ANO3: variants seen among roughly 807,000 people sequenced by gnomAD.
The protein encoded by ANO3 is anoctamin-3.
Under a neutral mutation model 144.8 loss-of-function variants are expected in ANO3, and 99 were observed. That is an observed-to-expected ratio of 0.68 (90% CI 0.58 to 0.81). The LOEUF (loss-of-function observed/expected upper bound fraction) is 0.81, where lower values mean the gene tolerates loss of function less well. ANO3 is among the 30% of genes least tolerant of loss of function. The pLI, the probability that ANO3 is intolerant of heterozygous loss-of-function variation, is 0.00. For synonymous variants in ANO3, 414 were observed against 392.6 expected (o/e 1.05, Z -0.64); for missense variants, 905 against 1,202.2 (o/e 0.75, Z 3.66).
In ANO3 at chr11:26,656,445, C is replaced by T. The variant is rs781335850; in HGVS notation, c.2727C>T (p.Ile909=). Residue 909 remains isoleucine, a synonymous_variant, in exon 26 of 27, where the codon ATC becomes ATT. Transcript: ENST00000256737. Reference sequence around the variant, plus strand: ...AGTTTACTTTACAATACTGGCATATCCTTGCTGCTAGATTGGCCTTCATTA... The same window carrying T: ...AGTTTACTTTACAATACTGGCATATTCTTGCTGCTAGATTGGCCTTCATTA... ...PYEFTLQYWH[I]LAARLAFIIV... The T allele has an allele frequency of 9.3e-6, 15 of 1,611,964 alleles. No individual in the cohort carries two copies. The highest frequency in any genetic ancestry group is 1.2e-5 in the Non-Finnish European group (14 of 1,178,284).
intron 1 of ANO3, among the ~76,000 whole-genome samples, chr11:26,290,917 C>G (rs1341842751): frequency 6.6e-6 from 1 of 152,156 alleles, no homozygotes; most frequent in African/African-American, 2.4e-5. Flanking sequence ...CTGTAGATGT[C>G]TATTAGGTCC....
At chr11:26,653,800 A>G (rs10835048) in intron 24 of ANO3, among the ~76,000 whole-genome samples, 52,471 of 151,896 alleles carry the variant, frequency 0.35, 9,926 homozygotes, top group South Asian at 0.48. Flanking sequence ...TAAGGACTCT[A>G]CGTGAAATTT....
chr11:26,328,443 A>G (rs952944348), upstream of ANO3, among the ~76,000 whole-genome samples: 12 of 152,194 alleles, frequency 7.9e-5, no homozygotes, highest in African/African-American at 2.9e-4. Flanking sequence ...TCCAATTTTA[A>G]TTAAGGCAGT....
chr11:26,478,139 C>G (rs1355131), intron 4 of ANO3, among the ~76,000 whole-genome samples: 41,411 of 152,000 alleles, frequency 0.27, 5,829 homozygotes, highest in South Asian at 0.39. Context: ...CAGGGAAACA[C>G]TATATTGAGA....
intron 5 of ANO3, among the ~76,000 whole-genome samples, chr11:26,512,819 C>G (rs1040668599): frequency 5.3e-5 from 8 of 152,124 alleles, no homozygotes; most frequent in African/African-American, 1.4e-4. Flanking sequence ...TAATTTGAAT[C>G]CTGACACAGC....
intron 1 of ANO3, among the ~76,000 whole-genome samples, chr11:26,297,391 A>C (rs976338459): frequency 6.6e-6 from 1 of 152,186 alleles, no homozygotes; most frequent in East Asian, 1.9e-4. Context: ...CCTGTCATAC[A>C]ATGATCAACA....
intron 1 of ANO3, among the ~76,000 whole-genome samples, chr11:26,363,693 G>A (rs1156801): frequency 6.6e-6 from 1 of 152,256 alleles, no homozygotes; most frequent in East Asian, 1.9e-4. Flanking sequence ...TGCTTTATGA[G>A]GATATATTCT....
intron 1 of ANO3, among the ~76,000 whole-genome samples, chr11:26,415,629 T>G (rs1199054205): frequency 6.6e-6 from 1 of 152,062 alleles, no homozygotes; most frequent in Non-Finnish European, 1.5e-5. Flanking sequence ...CATTTTCCTT[T>G]TTAAAGAATA....
rs970993087 is a variant in ANO3 at position 26,370,662 on chromosome 11, T to C, written c.46+38341T>C. ...TGGAACTTCCTAGAGACTTTTTGAATGGCTTTGGCCAAAAGTCTGTTAGTA... is the reference window on the plus strand; with the variant it reads ...TGGAACTTCCTAGAGACTTTTTGAACGGCTTTGGCCAAAAGTCTGTTAGTA... On this transcript the variant is annotated intron_variant, in intron 1 of 26. Transcript: ENST00000256737. Among the ~76,000 whole-genome samples the C allele has an allele frequency of 3.3e-5, 5 of 152,196 alleles. No homozygotes were observed. In the East Asian group the frequency reaches 9.7e-4, roughly 29 times the overall value.
intron 1 of ANO3, among the ~76,000 whole-genome samples, chr11:26,280,096 A>G (rs1853645545): frequency 6.6e-6 from 1 of 152,160 alleles, no homozygotes; most frequent in African/African-American, 2.4e-5. Context: ...TCACAACCAT[A>G]GTAAAATTTC....
At chr11:26,596,574 T>A (rs1167969901) in intron 14 of ANO3, among the ~76,000 whole-genome samples, 1 of 152,154 alleles carries the variant, frequency 6.6e-6, no homozygotes, top group East Asian at 1.9e-4. Context: ...GCCTAGGTGC[T>A]TAAGGACACA....
At chr11:26,353,494 T>G (rs1855699828) in intron 1 of ANO3, among the ~76,000 whole-genome samples, 2 of 152,224 alleles carry the variant, frequency 1.3e-5, no homozygotes, top group South Asian at 4.1e-4. Flanking sequence ...ATCCAATTTT[T>G]CAAATTTCTT....
intron 4 of ANO3, among the ~76,000 whole-genome samples, chr11:26,492,239 G>T (rs1860738103): frequency 6.6e-6 from 1 of 152,204 alleles, no homozygotes; most frequent in South Asian, 2.1e-4. Flanking sequence ...TCTATGTTCT[G>T]TGCTGTTTCA....
intron 14 of ANO3, among the ~76,000 whole-genome samples, chr11:26,568,557 A>G (rs1850690161): frequency 6.6e-6 from 1 of 151,986 alleles, no homozygotes; most frequent in South Asian, 2.1e-4. Context: ...CACTGATAAT[A>G]TAAGTCTTTC....
chr11:26,578,754 T>C (rs1851055596), intron 14 of ANO3, among the ~76,000 whole-genome samples: 1 of 152,144 alleles, frequency 6.6e-6, no homozygotes, highest in Admixed American at 6.5e-5. Context: ...ATTGCTAAAA[T>C]GGAGAGTTAT....
chr11:26,614,385 A>G (rs987749374), intron 17 of ANO3, among the ~76,000 whole-genome samples: 2 of 152,150 alleles, frequency 1.3e-5, no homozygotes, highest in Non-Finnish European at 2.9e-5. Flanking sequence ...GATCTGGCCT[A>G]TGTTCTGGGC....
Position 26,463,078 on chromosome 11 carries a change from A to G in ANO3, c.362A>G (p.Tyr121Cys). 1.3e-6 allele frequency: 2 copies of G among 1,599,002 alleles called. No homozygotes were observed. The highest frequency in any genetic ancestry group is 1.1e-5 in the South Asian group (1 of 88,264). Residue 121 changes from tyrosine to cysteine, a missense_variant, in exon 4 of 27, where the codon TAT becomes TGT. This residue lies in a region of ANO3 where 174 missense variants were observed against 171.9 expected (regional missense o/e 1.01). Coordinates refer to ENST00000256737, the MANE Select transcript of ANO3 (RefSeq NM_031418.4). ...DYTDESEHAT[Y>C]DRSRLINDFV... ...ACGGATGAATCAGAACACGCTACTT[A>G]TGACCGATCTCGTCTCATTAATGAC...
chr11:26,418,412 C>T (rs1819682023), intron 1 of ANO3, among the ~76,000 whole-genome samples: 3 of 152,126 alleles, frequency 2.0e-5, no homozygotes. Flanking sequence ...GACTTCAGAA[C>T]CTCCCCATTC....
At chr11:26,206,765 G>T (rs1303503766) in intron 1 of ANO3, among the ~76,000 whole-genome samples, 2 of 152,144 alleles carry the variant, frequency 1.3e-5, no homozygotes, top group East Asian at 3.9e-4. Context: ...TGGTCATTGA[G>T]CAGATGAATG....
Sources: gnomAD v4.1 joint callset for allele counts (sites outside exome capture counted in the v4.1 genomes callset) on GRCh38, gnomAD v4.1.1 for gene constraint, gnomAD v4.1.1 regional missense constraint, MANE v1.5 for transcripts, NCBI Gene and HGNC (gene_info 2026-07-23, HGNC 2026-07-21) for gene names.